The following COP1 variants were observed in gnomAD, a reference collection of about 807,000 sequenced individuals.
The protein encoded by COP1 is E3 ubiquitin-protein ligase COP1.
A neutral mutation model predicts 101.3 loss-of-function variants in COP1; 24 were observed. That is an observed-to-expected ratio of 0.24 (90% confidence interval 0.17 to 0.33). COP1 has a LOEUF of 0.33. Ranked by LOEUF, COP1 falls within the 10% of genes least tolerant of loss-of-function variation. The pLI is 1.00. For missense variants in COP1, 663 were observed against 906.2 expected, an observed-to-expected ratio of 0.73 and a Z score of 3.45; for synonymous variants, 347 against 341.9, an observed-to-expected ratio of 1.01 and a Z score of -0.17.
At chr1:176,031,289 A>T in intron 14 of COP1, among the ~76,000 whole-genome samples, 1 of 152,322 alleles carries the variant, frequency 6.6e-6, no homozygotes, top group Middle Eastern at 3.4e-3. Context: ...TCACAGATCG[A>T]AAGATAAAAT....
chr1:176,185,273 T>C (rs1698301862), intron 1 of COP1, among the ~76,000 whole-genome samples: 1 of 152,208 alleles, frequency 6.6e-6, no homozygotes, highest in African/African-American at 2.4e-5. Context: ...AGGTACCAAC[T>C]ACTAGGCACA....
At chr1:176,033,689 T>C (rs1359377246) in intron 14 of COP1, among the ~76,000 whole-genome samples, 1 of 152,148 alleles carries the variant, frequency 6.6e-6, no homozygotes, top group African/African-American at 2.4e-5. Context: ...GATGGTTCTT[T>C]AACATGTAAT....
rs10680105 is a variant in COP1, at chr1:176,048,195, CTTTTT to C, written c.1278-1876_1278-1872del. On this transcript the variant is annotated intron_variant, in intron 11 of 19. Coordinates refer to ENST00000367669, the MANE Select transcript of COP1 (RefSeq NM_022457.7). ...TATAATTTTTTAAAGAATTAAAATT[CTTTTT>C]TTTTTTTTTTTTTACAGAGATGGGG... Among the ~76,000 whole-genome samples the C allele has an allele frequency of 3.2e-5, 4 of 126,620 alleles. No individual in the cohort carries two copies. In the East Asian group the frequency reaches 6.9e-4, roughly 22 times the overall value. 83.1% of individuals were successfully genotyped at this position (126,620 alleles called of 152,430 possible). A position where few individuals can be genotyped will look rare whatever the true frequency, so the allele number is the denominator to read the frequency against.
At chr1:176,066,077 A>AT (rs1275882387) in intron 11 of COP1, among the ~76,000 whole-genome samples, 2 of 152,136 alleles carry the variant, frequency 1.3e-5, no homozygotes, top group Admixed American at 6.5e-5. Context: ...AAGAATCTAC[A>AT]TAAGTCTTTC....
intron 14 of COP1, among the ~76,000 whole-genome samples, chr1:176,033,706 C>T (rs769497657): frequency 3.2e-4 from 48 of 151,902 alleles, no homozygotes; most frequent in Non-Finnish European, 4.9e-4. Context: ...TAATTACGTG[C>T]ATATATACTT....
At chr1:175,990,725 T>C (rs1658209589) in intron 15 of COP1, among the ~76,000 whole-genome samples, 1 of 152,260 alleles carries the variant, frequency 6.6e-6, no homozygotes, top group South Asian at 2.1e-4. Context: ...TTATAAAATG[T>C]CTTTGTTTCT....
At chr1:175,955,720 A>G (rs899597765) in intron 18 of COP1, among the ~76,000 whole-genome samples, 7 of 150,904 alleles carry the variant, frequency 4.6e-5, no homozygotes, top group Non-Finnish European at 1.0e-4. Flanking sequence ...AATTTAAAAA[A>G]TACCATTTAT....
At chr1:176,099,559 T>C (rs1683024342) in intron 9 of COP1, among the ~76,000 whole-genome samples, 1 of 151,018 alleles carries the variant, frequency 6.6e-6, no homozygotes. Flanking sequence ...TCTCCAGAAT[T>C]TGGAAACTAG....
chr1:175,945,079 T>C lies in COP1; in HGVS notation c.*74A>G, dbSNP rs1380870927. ...TGGGGAGAGACATCACATGACATTTTCTGTTTCTTCTCTCATTGTCAGCTG... is the reference window on the plus strand; with the variant it reads ...TGGGGAGAGACATCACATGACATTTCCTGTTTCTTCTCTCATTGTCAGCTG... On this transcript the variant is annotated 3_prime_UTR_variant, in exon 20 of 20. Transcript: ENST00000367669. The C allele has an allele frequency of 9.2e-7, 1 of 1,091,886 alleles. No homozygotes were observed. Among genetic ancestry groups the C allele is most frequent in the Non-Finnish European group, 1.4e-6 (1 of 725,428 alleles). The allele number at this position is 1,091,886 out of a possible 1,614,324, so 67.6% of individuals were successfully genotyped here.
In COP1 at chr1:176,062,777, T is replaced by TAAAC. The variant is rs1553247139; in HGVS notation, c.1278-16457_1278-16454dup. On this transcript the variant is annotated intron_variant, in intron 11 of 19. Transcript: ENST00000367669. ...TAAACTGTACAATTATTCAAATGAATAAACTGTAGAATATTTAGACAATAA... is the reference window on the plus strand; with the variant it reads ...TAAACTGTACAATTATTCAAATGAATAAACAAACTGTAGAATATTTAGACAATAA... 3.1e-4 allele frequency among the ~76,000 whole-genome samples: 47 copies of TAAAC among 151,880 alleles called. 1 individual carries two copies. The highest frequency in any genetic ancestry group is 9.9e-4 in the African/African-American group (41 of 41,348).
chr1:176,148,224 C>T (rs1304129642), intron 6 of COP1, among the ~76,000 whole-genome samples: 1 of 151,962 alleles, frequency 6.6e-6, no homozygotes, highest in Admixed American at 6.6e-5. Flanking sequence ...AGCTATTCAA[C>T]ACTTCATCAT....
chr1:176,131,646 GA>G lies in COP1; in HGVS notation c.968+3363del, dbSNP rs542216748. 7.8e-4 allele frequency among the ~76,000 whole-genome samples: 119 copies of G among 151,690 alleles called. 1 individual carries two copies. The highest frequency in any genetic ancestry group is 3.2e-3 in the Admixed American group (49 of 15,206). ...AATAATAAAGCTAATAATTCTGAAA[GA>G]AAAAAGATTAGTAAAATTGCAACTA... is the stretch of plus-strand genomic sequence containing the variant. On this transcript the variant is annotated intron_variant, in intron 8 of 19. Coordinates refer to ENST00000367669, the MANE Select transcript of COP1 (RefSeq NM_022457.7).
intron 5 of COP1, among the ~76,000 whole-genome samples, chr1:176,150,725 T>C (rs1217455539): frequency 1.3e-5 from 2 of 152,206 alleles, no homozygotes; most frequent in Admixed American, 6.5e-5. Flanking sequence ...ACACTTCATT[T>C]CAATCTATTA....
chr1:176,024,887 C>T (rs1401240689), intron 15 of COP1, among the ~76,000 whole-genome samples: 1 of 152,212 alleles, frequency 6.6e-6, no homozygotes, highest in African/African-American at 2.4e-5. Flanking sequence ...AAGTTCAAGA[C>T]TTCTACACTG....
chr1:176,205,075 C>T (rs560981504), intron 1 of COP1, among the ~76,000 whole-genome samples: 1 of 152,210 alleles, frequency 6.6e-6, no homozygotes, highest in African/African-American at 2.4e-5. Context: ...TTATTCCTCA[C>T]ATCTTTTACT....
chr1:175,993,772 T>A (rs1257181179), intron 15 of COP1, among the ~76,000 whole-genome samples: 1 of 152,200 alleles, frequency 6.6e-6, no homozygotes, highest in Non-Finnish European at 1.5e-5. Context: ...GTCTGATTGG[T>A]GTACCTGAAA....
At chr1:176,163,349 C>G (rs1468980427) in intron 4 of COP1, among the ~76,000 whole-genome samples, 4 of 152,082 alleles carry the variant, frequency 2.6e-5, no homozygotes, top group Admixed American at 2.0e-4. Context: ...TGGGACTAAG[C>G]CTTTAAAATT....
chr1:176,153,039 G>A (rs1393386177), intron 5 of COP1, among the ~76,000 whole-genome samples: 2 of 152,106 alleles, frequency 1.3e-5, no homozygotes, highest in Non-Finnish European at 2.9e-5. Flanking sequence ...CAAAGCGTAT[G>A]TGGACACAGA....
chr1:175,976,250 CTCTA>C (rs928006295), intron 18 of COP1, among the ~76,000 whole-genome samples: 8 of 127,392 alleles, frequency 6.3e-5, no homozygotes, highest in South Asian at 5.3e-4. Context: ...CCATATAAGT[CTCTA>C]TATCAATTAG....
Sources: allele counts gnomAD v4.1 joint callset (sites outside exome capture counted in the v4.1 genomes callset), GRCh38; gene constraint gnomAD v4.1.1; transcripts MANE v1.5; gene names NCBI Gene and HGNC (gene_info 2026-07-23, HGNC 2026-07-21).